Variants in SGMS1 observed in about 807,000 individuals in gnomAD.
SGMS1 encodes the protein phosphatidylcholine:ceramide cholinephosphotransferase 1.
In SGMS1, 13 loss-of-function variants were observed where a neutral mutation model predicts 46.2. The observed-to-expected ratio is 0.28, with a 90% CI of 0.18 to 0.45. The LOEUF (loss-of-function observed/expected upper bound fraction) is 0.45. Ranked by LOEUF, SGMS1 falls within the 20% of genes least tolerant of loss-of-function variation. The pLI, the probability that SGMS1 is intolerant of heterozygous loss-of-function variation, is 1.00. For missense variants in SGMS1, 324 were observed against 519.9 expected, an observed-to-expected ratio of 0.62 and a Z score of 3.66; for synonymous variants, 203 against 187.8, an observed-to-expected ratio of 1.08 and a Z score of -0.66.
chr10:50,594,958 G>C (rs1838576931), intron 1 of SGMS1, among the ~76,000 whole-genome samples: 1 of 152,150 alleles, frequency 6.6e-6, no homozygotes, highest in Non-Finnish European at 1.5e-5. Context: ...GGTACAGGAA[G>C]GAATTCAGTT....
At chr10:50,384,368 T>A (rs191105262) in intron 6 of SGMS1, among the ~76,000 whole-genome samples, 1 of 151,334 alleles carries the variant, frequency 6.6e-6, no homozygotes, top group African/African-American at 2.5e-5. Flanking sequence ...TAACTTACTT[T>A]CTTTCTCTCT....
chr10:50,577,082 T>C (rs754120936), intron 2 of SGMS1, among the ~76,000 whole-genome samples: 2 of 152,214 alleles, frequency 1.3e-5, no homozygotes, highest in Non-Finnish European at 2.9e-5. Flanking sequence ...AGGTTTAGTT[T>C]CTTTGGCTGG....
Position 50,557,494 on chromosome 10 carries a change from G to A in SGMS1, c.-589+32659C>T, listed in dbSNP as rs183875927. The stretch of plus-strand genomic sequence containing the variant: ...AAGCAATATTAGTTGTTTATCTGAG[G>A]TGAAAAAAGAATAACTGTTTTGCTT... On this transcript the variant is annotated intron_variant, in intron 2 of 10. Coordinates refer to ENST00000361781, the MANE Select transcript of SGMS1 (RefSeq NM_147156.4). 1.1e-4 allele frequency among the ~76,000 whole-genome samples: 16 copies of A among 151,780 alleles called. No individual in the cohort carries two copies. In the East Asian group the frequency reaches 3.1e-3, roughly 29 times the overall value.
intron 6 of SGMS1, among the ~76,000 whole-genome samples, chr10:50,414,727 A>G (rs959731440): frequency 1.3e-5 from 2 of 152,210 alleles, no homozygotes; most frequent in African/African-American, 4.8e-5. Context: ...CACTATCTAC[A>G]GTGCTTCAAA....
rs181871610 is a variant in SGMS1, at chr10:50,605,984, A to G, written c.-683-15737T>C. On this transcript the variant is annotated intron_variant, in intron 1 of 10. Coordinates refer to ENST00000361781, the MANE Select transcript of SGMS1 (RefSeq NM_147156.4). ...AGGAACATATTTTAAGAGACACCTT[A>G]TTTTCTTTTAAAAAGAGTCTCTTGA... Among the ~76,000 whole-genome samples, 104 of 152,276 alleles carry G rather than the reference A, an allele frequency of 6.8e-4. 1 individual carries two copies. Among genetic ancestry groups the G allele is most frequent in the African/African-American group, 2.5e-3 (103 of 41,558 alleles).
chr10:50,355,427 A>T (rs1307230458), intron 6 of SGMS1, among the ~76,000 whole-genome samples: 2 of 152,102 alleles, frequency 1.3e-5, no homozygotes, highest in Admixed American at 6.5e-5. Flanking sequence ...GGCGCGCGCC[A>T]CCACGCCTGA....
chr10:50,588,999 G>A (rs771600404), intron 2 of SGMS1, among the ~76,000 whole-genome samples: 20 of 152,072 alleles, frequency 1.3e-4, no homozygotes, highest in Non-Finnish European at 2.1e-4. Context: ...CCAAAGTGCT[G>A]GGATTACAGG....
chr10:50,582,737 T>C (rs991427935), intron 2 of SGMS1, among the ~76,000 whole-genome samples: 1 of 152,220 alleles, frequency 6.6e-6, no homozygotes, highest in African/African-American at 2.4e-5. Context: ...AAGTGGAATA[T>C]ACAGAAACAC....
chr10:50,461,951 AGCAAT>A (rs1241066356), intron 4 of SGMS1, among the ~76,000 whole-genome samples: 1 of 152,250 alleles, frequency 6.6e-6, no homozygotes, highest in Non-Finnish European at 1.5e-5. Flanking sequence ...CAACTGAAAC[AGCAAT>A]AAAATAAAAC....
intron 4 of SGMS1, among the ~76,000 whole-genome samples, chr10:50,465,447 A>G (rs1456793109): frequency 6.6e-6 from 1 of 152,216 alleles, no homozygotes; most frequent in African/African-American, 2.4e-5. Context: ...ATGAGAAAAT[A>G]TTGCATCTAT....
intron 6 of SGMS1, among the ~76,000 whole-genome samples, chr10:50,417,095 C>A (rs1016375152): frequency 6.6e-6 from 1 of 152,150 alleles, no homozygotes; most frequent in Non-Finnish European, 1.5e-5. Context: ...CTTTCCTGTA[C>A]GCAGTCAGTG....
upstream of SGMS1, chr10:50,624,668 C>G (rs570000124): frequency 1.0e-6 from 1 of 985,338 alleles, no homozygotes; most frequent in Non-Finnish European, 1.2e-6. Context: ...GGGGTCGGAG[C>G]CCGCGCATGC....
At chr10:50,408,446 AAAAAAAAAAC>A (rs1296882228) in intron 6 of SGMS1, among the ~76,000 whole-genome samples, 3 of 148,648 alleles carry the variant, frequency 2.0e-5, no homozygotes, top group African/African-American at 5.2e-5. Flanking sequence ...AAAAAAAAAA[AAAAAAAAAAC>A]AAAATAAAAA....
At chr10:50,593,992 G>A (rs902329220) in intron 1 of SGMS1, among the ~76,000 whole-genome samples, 1 of 152,018 alleles carries the variant, frequency 6.6e-6, no homozygotes, top group African/African-American at 2.4e-5. Flanking sequence ...GCTGGACTAC[G>A]GATTGCACGT....
At chr10:50,559,685 G>C (rs1449907323) in intron 2 of SGMS1, among the ~76,000 whole-genome samples, 1 of 152,180 alleles carries the variant, frequency 6.6e-6, no homozygotes, top group East Asian at 1.9e-4. Context: ...TATCTTCCCA[G>C]TGGGAGGAAT....
chr10:50,359,346 A>T (rs1293118815), intron 6 of SGMS1, among the ~76,000 whole-genome samples: 1 of 152,160 alleles, frequency 6.6e-6, no homozygotes, highest in Non-Finnish European at 1.5e-5. Flanking sequence ...TATGCAATTG[A>T]TAGTTTCCCC....
At chr10:50,381,432 G>A (rs1039830930) in intron 6 of SGMS1, among the ~76,000 whole-genome samples, 13 of 152,018 alleles carry the variant, frequency 8.6e-5, no homozygotes, top group Admixed American at 6.6e-4. Flanking sequence ...AGCTAAAAAA[G>A]CAGTTGGAGT....
intron 5 of SGMS1, among the ~76,000 whole-genome samples, chr10:50,436,008 A>G (rs1293863993): frequency 2.0e-5 from 3 of 152,340 alleles, no homozygotes; most frequent in African/African-American, 7.2e-5. Flanking sequence ...TATAATAGAA[A>G]ATATTTTAAT....
chr10:50,363,321 G>A (rs745735782), intron 6 of SGMS1, among the ~76,000 whole-genome samples: 12 of 152,154 alleles, frequency 7.9e-5, no homozygotes, highest in South Asian at 2.1e-4. Flanking sequence ...AAAACAAGGA[G>A]CCCTAAGCCA....
Sources: gnomAD v4.1 joint callset for allele counts (sites outside exome capture counted in the v4.1 genomes callset) on GRCh38, gnomAD v4.1.1 for gene constraint, MANE v1.5 for transcripts, NCBI Gene and HGNC (gene_info 2026-07-23, HGNC 2026-07-21) for gene names.